The following AKT3 variants were observed in gnomAD, a reference collection of about 807,000 sequenced individuals.
AKT3 encodes AKT serine/threonine kinase 3, also known as RAC-gamma serine/threonine-protein kinase.
AKT3 carries 15 observed loss-of-function variants against 65.3 expected under a neutral mutation model. The observed-to-expected ratio is 0.23, with a 90% confidence interval of 0.15 to 0.35. AKT3 has a LOEUF of 0.35. Among genes scored for constraint, AKT3 ranks in the 10% least tolerant of loss-of-function variants. The pLI, the probability that AKT3 is intolerant of heterozygous loss-of-function variation, is 1.00. For missense variants in AKT3, 243 were observed against 576.5 expected, an observed-to-expected ratio of 0.42 and a Z score of 5.92; for synonymous variants, 206 against 183.8, an observed-to-expected ratio of 1.12 and a Z score of -0.98.
chr1:243,658,184 A>G (rs1158344831), intron 4 of AKT3, among the ~76,000 whole-genome samples: 1 of 152,160 alleles, frequency 6.6e-6, no homozygotes, highest in African/African-American at 2.4e-5. Context: ...GAGAGAATAT[A>G]TTTCCAAACC....
chr1:243,609,751 GAA>G (rs1449546205), intron 8 of AKT3, among the ~76,000 whole-genome samples: 1 of 152,040 alleles, frequency 6.6e-6, no homozygotes, highest in East Asian at 1.9e-4. Flanking sequence ...TGCTGAACAA[GAA>G]AAATAATGTA....
Position 243,817,695 on chromosome 1 carries a change from G to A in AKT3, c.46+25430C>T, listed in dbSNP as rs537930738. Among the ~76,000 whole-genome samples the A allele has an allele frequency of 2.6e-5, 4 of 152,328 alleles. 1 individual carries two copies. In the South Asian group the frequency reaches 6.2e-4, roughly 24 times the overall value. On this transcript the variant is annotated intron_variant, in intron 2 of 13. Coordinates refer to ENST00000673466, the MANE Select transcript of AKT3 (RefSeq NM_005465.7). ...GCAGAGGTTGCAGTGAGCCAAGATCGTGCCACTGCACTCCAGATGGGTGAT... is the reference window on the plus strand; with the variant it reads ...GCAGAGGTTGCAGTGAGCCAAGATCATGCCACTGCACTCCAGATGGGTGAT...
chr1:243,703,046 C>A (rs1055168029), intron 2 of AKT3: 13 of 152,168 alleles, frequency 8.5e-5, no homozygotes, highest in Non-Finnish European at 1.6e-4. Context: ...CAATTTTTAC[C>A]TAAGACAAAA....
intron 8 of AKT3, among the ~76,000 whole-genome samples, chr1:243,601,120 C>T (rs1676969592): frequency 6.6e-6 from 1 of 151,886 alleles, no homozygotes; most frequent in African/African-American, 2.4e-5. Context: ...TAGATTACAA[C>T]AAAAGTGTAT....
intron 2 of AKT3, among the ~76,000 whole-genome samples, chr1:243,761,832 C>A (rs1029615757): frequency 6.6e-6 from 1 of 152,048 alleles, no homozygotes; most frequent in Non-Finnish European, 1.5e-5. Context: ...AAAATATGTA[C>A]ACATTTTAAG....
intron 2 of AKT3, among the ~76,000 whole-genome samples, chr1:243,813,255 G>C (rs572676312): frequency 1.5e-4 from 23 of 152,242 alleles, no homozygotes; most frequent in African/African-American, 5.5e-4. Context: ...CATGTATGCA[G>C]TATTCTCACC....
intron 2 of AKT3, among the ~76,000 whole-genome samples, chr1:243,797,446 T>G (rs1692090663): frequency 6.6e-6 from 1 of 152,186 alleles, no homozygotes; most frequent in South Asian, 2.1e-4. Flanking sequence ...AATACACATT[T>G]GGTGGCTAAA....
intron 3 of AKT3, among the ~76,000 whole-genome samples, chr1:243,689,078 C>T (rs1191647671): frequency 6.6e-6 from 1 of 152,182 alleles, no homozygotes; most frequent in East Asian, 1.9e-4. Context: ...ACAGCAGCTA[C>T]TTTCTACAGA....
chr1:243,804,750 G>A (rs1246062717), intron 2 of AKT3, among the ~76,000 whole-genome samples: 4 of 152,008 alleles, frequency 2.6e-5, no homozygotes, highest in Non-Finnish European at 5.9e-5. Context: ...AGGAGGCTGA[G>A]GCAGGAGAAC....
intron 9 of AKT3, among the ~76,000 whole-genome samples, chr1:243,567,657 T>C (rs2148496165): frequency 6.6e-6 from 1 of 152,188 alleles, no homozygotes; most frequent in Non-Finnish European, 1.5e-5. Flanking sequence ...TTTGAAGTAG[T>C]GTCCACATTC....
At chr1:243,700,392 G>A (rs556270860) in intron 2 of AKT3, among the ~76,000 whole-genome samples, 2 of 152,128 alleles carry the variant, frequency 1.3e-5, no homozygotes, top group East Asian at 1.9e-4. Context: ...CTTATTCCCT[G>A]TAGTTAAAAC....
At chr1:243,631,904 T>C (rs1436723048) in intron 6 of AKT3, among the ~76,000 whole-genome samples, 1 of 152,216 alleles carries the variant, frequency 6.6e-6, no homozygotes, top group Non-Finnish European at 1.5e-5. Flanking sequence ...TGATAAAATT[T>C]AGTCCTATCT....
chr1:243,531,014 G>A (rs996932087), intron 12 of AKT3, among the ~76,000 whole-genome samples: 1 of 152,160 alleles, frequency 6.6e-6, no homozygotes, highest in African/African-American at 2.4e-5. Context: ...TTTTTCAGAT[G>A]TAAAATAGTT....
At position 243,500,372 on chromosome 1, in the gene AKT3, C is replaced by A. The variant is rs976813735; in HGVS notation, c.*4877G>T. On this transcript the variant is annotated 3_prime_UTR_variant, in exon 14 of 14. Coordinates refer to ENST00000673466, the MANE Select transcript of AKT3 (RefSeq NM_005465.7). ...TTTCCATTCTGTTAAACAACGAAAACAGACAAAAAAGCATCTTTGGCTCGG... is the reference window on the plus strand; with the variant it reads ...TTTCCATTCTGTTAAACAACGAAAAAAGACAAAAAAGCATCTTTGGCTCGG... 8.9e-6 allele frequency: 2 copies of A among 225,086 alleles called. No homozygotes were observed. The highest frequency in any genetic ancestry group is 5.7e-5 in the Admixed American group (1 of 17,478). The allele number at this position is 225,086 out of a possible 1,614,324, so 13.9% of individuals were successfully genotyped here.
At chr1:243,595,128 T>C (rs1352807219) in intron 8 of AKT3, among the ~76,000 whole-genome samples, 7 of 152,328 alleles carry the variant, frequency 4.6e-5, no homozygotes, top group African/African-American at 1.7e-4. Context: ...TAGGGTTTAC[T>C]TACATAAACC....
chr1:243,700,274 TGTAAATTATGAGGGTGGAAGAA>T (rs1685362264), intron 2 of AKT3, among the ~76,000 whole-genome samples: 1 of 152,164 alleles, frequency 6.6e-6, no homozygotes, highest in African/African-American at 2.4e-5. Flanking sequence ...GAATCCTACT[TGTAAATTATGAGGGTGGAAGAA>T]ACTGTTTGCT....
intron 3 of AKT3, 33 bp from the exon 4 acceptor site, chr1:243,664,916 G>T: frequency 8.1e-7 from 1 of 1,227,750 alleles, no homozygotes; most frequent in Non-Finnish European, 1.1e-6. Context: ...CTTTAAATAT[G>T]GATATATTTA....
intron 2 of AKT3, among the ~76,000 whole-genome samples, chr1:243,771,411 CTCTT>C (rs1213807124): frequency 6.6e-6 from 1 of 152,144 alleles, no homozygotes; most frequent in Non-Finnish European, 1.5e-5. Flanking sequence ...TACTTTGTAA[CTCTT>C]TGTTGAATGG....
chr1:243,543,019 C>A (rs1672422474), intron 12 of AKT3, among the ~76,000 whole-genome samples: 1 of 152,042 alleles, frequency 6.6e-6, no homozygotes, highest in Non-Finnish European at 1.5e-5. Context: ...TATTTAACAC[C>A]TTTGCTCAAA....
Sources: gnomAD v4.1 joint callset for allele counts (sites outside exome capture counted in the v4.1 genomes callset) on GRCh38, gnomAD v4.1.1 for gene constraint, MANE v1.5 for transcripts, NCBI Gene and HGNC (gene_info 2026-07-23, HGNC 2026-07-21) for gene names.